NEDD4L: variants seen among roughly 807,000 people sequenced by gnomAD.
The protein encoded by NEDD4L is E3 ubiquitin-protein ligase NEDD4-like.
A neutral mutation model predicts 148.9 loss-of-function variants in NEDD4L; 54 were observed. The observed-to-expected ratio is 0.36, with a 90% CI of 0.29 to 0.45. NEDD4L has a LOEUF of 0.45. Among genes scored for constraint, NEDD4L ranks in the 20% least tolerant of loss-of-function variants. The pLI, the probability that NEDD4L is intolerant of heterozygous loss-of-function variation, is 1.00. For missense variants in NEDD4L, 856 were observed against 1,233.8 expected (o/e 0.69, Z 4.59); for synonymous variants, 433 against 440.7 (o/e 0.98, Z 0.22).
chr18:58,283,644 G>A (rs2053496751), intron 5 of NEDD4L, among the ~76,000 whole-genome samples: 2 of 152,186 alleles, frequency 1.3e-5, no homozygotes, highest in African/African-American at 4.8e-5. Flanking sequence ...AAGTCTTGAA[G>A]CCAGCTGCTG....
intron 1 of NEDD4L, among the ~76,000 whole-genome samples, chr18:58,150,002 T>TA (rs2034519902): frequency 6.6e-6 from 1 of 152,254 alleles, no homozygotes; most frequent in South Asian, 2.1e-4. Context: ...TGATATTGAA[T>TA]ACTGAGTAGA....
At chr18:58,381,457 A>T (rs1200652441) in intron 24 of NEDD4L, among the ~76,000 whole-genome samples, 1 of 152,188 alleles carries the variant, frequency 6.6e-6, no homozygotes. Context: ...TCAAAGAGAG[A>T]GGGCTGGATG....
At chr18:58,255,711 A>G in intron 5 of NEDD4L, 1 of 1,232,352 alleles carries the variant, frequency 8.1e-7, no homozygotes, top group Non-Finnish European at 1.0e-6. Flanking sequence ...GACATCCTAG[A>G]CCAGGAGAGA....
chr18:58,047,351 T>A, intron 1 of NEDD4L: 1 of 985,192 alleles, frequency 1.0e-6, no homozygotes, highest in Non-Finnish European at 1.2e-6. Context: ...ATGGTATGTT[T>A]GGAGTGCACT....
rs1250942912 is a variant in NEDD4L, at chr18:58,245,608, A to C, written c.204+100A>C. On this transcript the variant is annotated intron_variant, in intron 3 of 30. Coordinates refer to ENST00000400345, the MANE Select transcript of NEDD4L (RefSeq NM_001144967.3). Reference sequence around the variant, plus strand: ...ACACCTTTTTGGTCAAGGATGGACTACTTACACAGTGATAGTCCCGTGAGA... The same window carrying C: ...ACACCTTTTTGGTCAAGGATGGACTCCTTACACAGTGATAGTCCCGTGAGA... The C allele has an allele frequency of 7.1e-6, 4 of 565,086 alleles. No individual in the cohort carries two copies. In the East Asian group the frequency reaches 9.3e-5, roughly 13 times the overall value. 35.0% of individuals were successfully genotyped at this position (565,086 alleles called of 1,614,324 possible). A position where few individuals can be genotyped will look rare whatever the true frequency, so the allele number is the denominator to read the frequency against.
intron 2 of NEDD4L, among the ~76,000 whole-genome samples, chr18:58,234,097 C>CTTTTCTTTTCT (rs61539118): frequency 1.1e-3 from 88 of 83,384 alleles, no homozygotes; most frequent in African/African-American, 5.2e-3. Flanking sequence ...TTCTTTCTTT[C>CTTTTCTTTTCT]TTTCTTTTCT....
chr18:58,324,389 C>G (rs1238523328), intron 8 of NEDD4L, among the ~76,000 whole-genome samples: 1 of 152,146 alleles, frequency 6.6e-6, no homozygotes, highest in African/African-American at 2.4e-5. Context: ...TGTAGAGGGC[C>G]TGAGTAGAAG....
intron 6 of NEDD4L, among the ~76,000 whole-genome samples, chr18:58,317,272 C>A (rs2058372552): frequency 6.6e-6 from 1 of 152,246 alleles, no homozygotes; most frequent in Non-Finnish European, 1.5e-5. Context: ...CATCAGAAAC[C>A]TGACTGCTCT....
At chr18:58,288,203 A>G (rs1211065848) in intron 5 of NEDD4L, among the ~76,000 whole-genome samples, 2 of 152,256 alleles carry the variant, frequency 1.3e-5, no homozygotes, top group East Asian at 1.9e-4. Context: ...AAATACATCC[A>G]TCAGACCACA....
chr18:58,277,248 G>GA (rs5825271), intron 5 of NEDD4L, among the ~76,000 whole-genome samples: 12 of 149,904 alleles, frequency 8.0e-5, no homozygotes, highest in African/African-American at 9.8e-5. Context: ...ATGGAGAAGA[G>GA]AAAAAAAAAA....
intron 23 of NEDD4L, 53 bp from the exon 24 acceptor site, chr18:58,373,121 G>T: frequency 1.1e-6 from 1 of 930,350 alleles, no homozygotes; most frequent in Middle Eastern, 2.1e-4. Flanking sequence ...AGTCAAATGA[G>T]TTTGTATTTT....
chr18:58,140,989 G>A (rs1173688774), intron 1 of NEDD4L, among the ~76,000 whole-genome samples: 1 of 152,208 alleles, frequency 6.6e-6, no homozygotes, highest in Non-Finnish European at 1.5e-5. Context: ...TGACAGACGT[G>A]GGTTTGAGAC....
chr18:58,121,431 C>CTTTT (rs112023092), intron 1 of NEDD4L, among the ~76,000 whole-genome samples: 28 of 147,248 alleles, frequency 1.9e-4, no homozygotes, highest in African/African-American at 6.2e-4. Context: ...TTCTTTCATT[C>CTTTT]TTTTTTTTTT....
intron 5 of NEDD4L, among the ~76,000 whole-genome samples, chr18:58,315,369 T>C (rs2058147442): frequency 1.3e-5 from 2 of 152,054 alleles, no homozygotes; most frequent in South Asian, 4.2e-4. Flanking sequence ...GAGAGATACG[T>C]GCAGTATGGT....
At chr18:58,312,842 A>G in intron 5 of NEDD4L, among the ~76,000 whole-genome samples, 1 of 152,186 alleles carries the variant, frequency 6.6e-6, no homozygotes, top group Admixed American at 6.5e-5. Flanking sequence ...CACCAAGCCC[A>G]GCTAATTTTG....
rs77399654 is a variant in NEDD4L at position 58,202,201 on chromosome 18, C to T, written c.122+36340C>T. Reference sequence around the variant, plus strand: ...TCAAGTTTTTAAAGCTACAAAGGAACCTAAGAGATCCCTTGTGTTTTACAG... The same window carrying T: ...TCAAGTTTTTAAAGCTACAAAGGAATCTAAGAGATCCCTTGTGTTTTACAG... On this transcript the variant is annotated intron_variant, in intron 2 of 30. Transcript: ENST00000400345. Among the ~76,000 whole-genome samples, 69 of 152,296 alleles carry T rather than the reference C, an allele frequency of 4.5e-4. No homozygotes were observed. In the East Asian group the frequency reaches 9.8e-3, roughly 22 times the overall value.
At chr18:58,156,766 C>T (rs1266677044) in intron 1 of NEDD4L, among the ~76,000 whole-genome samples, 1 of 152,138 alleles carries the variant, frequency 6.6e-6, no homozygotes, top group Admixed American at 6.5e-5. Context: ...CCTGCATGCT[C>T]GCTCCTTGGG....
rs753721793 is a variant in NEDD4L at position 58,349,626 on chromosome 18, G to A, written c.1653+12G>A. ...TTGGCCCCCTTCCTGTGAGTACACT[G>A]GAGACACATGGAATGGTCTGAATAT... On this transcript the variant is annotated intron_variant, in intron 17 of 30. Coordinates refer to ENST00000400345, the MANE Select transcript of NEDD4L (RefSeq NM_001144967.3). 1 of 1,601,250 alleles carries A rather than the reference G, an allele frequency of 6.2e-7. No homozygotes were observed. Among genetic ancestry groups the A allele is most frequent in the East Asian group, 2.2e-5 (1 of 44,844 alleles).
At position 58,250,394 on chromosome 18, in the gene NEDD4L, C is replaced by T. The variant is rs549521117; in HGVS notation, c.243+1457C>T. 4.2e-4 allele frequency among the ~76,000 whole-genome samples: 64 copies of T among 152,248 alleles called. No individual in the cohort carries two copies. In the South Asian group the frequency reaches 0.013, roughly 31 times the overall value. ...CACTCTCCTGACCTCGTGATCTGCC[C>T]GCCTTGGCCTCCCAAAGTTCTGGGA... On this transcript the variant is annotated intron_variant, in intron 4 of 30. Coordinates refer to ENST00000400345, the MANE Select transcript of NEDD4L (RefSeq NM_001144967.3).
Sources: allele counts gnomAD v4.1 joint callset (sites outside exome capture counted in the v4.1 genomes callset), GRCh38; gene constraint gnomAD v4.1.1; transcripts MANE v1.5; gene names NCBI Gene and HGNC (gene_info 2026-07-23, HGNC 2026-07-21).